EHBP1: variants seen among roughly 807,000 people sequenced by gnomAD.
The protein encoded by EHBP1 is EH domain binding protein 1.
Under a neutral mutation model 144.0 loss-of-function variants are expected in EHBP1, and 55 were observed. The observed-to-expected ratio is 0.38, with a 90% CI of 0.31 to 0.48. The LOEUF is 0.48. EHBP1 is among the 20% of genes least tolerant of loss of function. The probability of loss-of-function intolerance (pLI) is 0.98; values close to 1 mark genes in which losing one functional copy is unlikely to be tolerated. For missense variants in EHBP1, 1,200 were observed against 1,364.2 expected (o/e 0.88, Z 1.90); for synonymous variants, 469 against 472.7 (o/e 0.99, Z 0.10).
At position 62,806,498 on chromosome 2, in the gene EHBP1, G is replaced by A. The variant is rs150289944; in HGVS notation, c.313-19589G>A. 2.9e-3 allele frequency among the ~76,000 whole-genome samples: 436 copies of A among 151,930 alleles called. 1 individual carries two copies. Among genetic ancestry groups the A allele is most frequent in the African/African-American group, 9.9e-3 (409 of 41,426 alleles). On this transcript the variant is annotated intron_variant, in intron 5 of 22. Transcript: ENST00000431489. Reference sequence around the variant, plus strand: ...AAATCCTCCCACCTCAGCCTCCTTCGTAGCTGGGACCATAGGCATGCACGA... The same window carrying A: ...AAATCCTCCCACCTCAGCCTCCTTCATAGCTGGGACCATAGGCATGCACGA...
At chr2:62,865,280 T>C (rs1054065148) in intron 9 of EHBP1, among the ~76,000 whole-genome samples, 1 of 152,212 alleles carries the variant, frequency 6.6e-6, no homozygotes, top group Non-Finnish European at 1.5e-5. Flanking sequence ...GGTTTTTTTT[T>C]CCATCAAACT....
chr2:62,955,133 G>C (rs2057617463), intron 13 of EHBP1, among the ~76,000 whole-genome samples: 1 of 151,962 alleles, frequency 6.6e-6, no homozygotes, highest in African/African-American at 2.4e-5. Flanking sequence ...TGGAAGACAT[G>C]TTGTTATCAA....
chr2:62,843,428 A>G (rs1223760257), intron 7 of EHBP1, among the ~76,000 whole-genome samples: 2 of 149,508 alleles, frequency 1.3e-5, no homozygotes, highest in Non-Finnish European at 3.0e-5. Flanking sequence ...AAAGGAATGA[A>G]TGTAAATTGT....
At chr2:62,841,656 T>G (rs899420966) in intron 7 of EHBP1, among the ~76,000 whole-genome samples, 5 of 152,188 alleles carry the variant, frequency 3.3e-5, no homozygotes, top group African/African-American at 9.7e-5. Flanking sequence ...TATACTGACA[T>G]TTGCATTTTA....
chr2:62,862,926 C>T (rs191523443), intron 8 of EHBP1, among the ~76,000 whole-genome samples: 1 of 151,694 alleles, frequency 6.6e-6, no homozygotes, highest in East Asian at 2.0e-4. Flanking sequence ...AAAAAAAAAG[C>T]CTCGTGCTAA....
intron 1 of EHBP1, among the ~76,000 whole-genome samples, chr2:62,688,965 G>A (rs1293086729): frequency 6.6e-6 from 1 of 152,170 alleles, no homozygotes; most frequent in Non-Finnish European, 1.5e-5. Context: ...TATGCATACT[G>A]AGAAGGTCAT....
chr2:62,722,371 C>T (rs1234086238), intron 2 of EHBP1, among the ~76,000 whole-genome samples: 1 of 151,846 alleles, frequency 6.6e-6, no homozygotes, highest in Middle Eastern at 3.2e-3. Flanking sequence ...GATCCACCTG[C>T]CTTGGCCTCC....
intron 5 of EHBP1, among the ~76,000 whole-genome samples, chr2:62,812,865 A>C (rs1192963891): frequency 6.6e-6 from 1 of 152,240 alleles, no homozygotes; most frequent in Admixed American, 6.5e-5. Context: ...AAAAGTTGGA[A>C]GATTCATAGC....
chr2:63,026,878 C>T (rs562754276), intron 19 of EHBP1, among the ~76,000 whole-genome samples: 17 of 152,328 alleles, frequency 1.1e-4, no homozygotes, highest in African/African-American at 4.1e-4. Flanking sequence ...CATGGGAAGA[C>T]TAAATGAAAT....
chr2:62,793,149 T>C (rs907111693), intron 5 of EHBP1, among the ~76,000 whole-genome samples: 2 of 152,134 alleles, frequency 1.3e-5, no homozygotes, highest in Admixed American at 1.3e-4. Context: ...CATAAATTCA[T>C]TAATGTTATT....
chr2:62,738,116 G>A (rs2038337009), intron 2 of EHBP1, among the ~76,000 whole-genome samples: 1 of 151,932 alleles, frequency 6.6e-6, no homozygotes, highest in Admixed American at 6.6e-5. Flanking sequence ...GTATTTTATT[G>A]TTCAGCAACA....
At chr2:62,808,613 TCTGGTTCTGATG>T (rs2044698835) in intron 5 of EHBP1, among the ~76,000 whole-genome samples, 1 of 152,164 alleles carries the variant, frequency 6.6e-6, no homozygotes, top group Non-Finnish European at 1.5e-5. Flanking sequence ...TATATCTGAG[TCTGGTTCTGATG>T]CTTGCTCTGT....
chr2:63,003,728 T>A (rs1387141301), intron 19 of EHBP1, among the ~76,000 whole-genome samples: 1 of 152,060 alleles, frequency 6.6e-6, no homozygotes. Context: ...ATTGAACCAA[T>A]AAACTCAGCG....
upstream of EHBP1, among the ~76,000 whole-genome samples, chr2:62,703,170 A>C (rs1444691387): frequency 6.6e-6 from 1 of 152,016 alleles, no homozygotes; most frequent in Non-Finnish European, 1.5e-5. Context: ...AAAAAGTATG[A>C]AAAATTAGCC....
At chr2:62,917,836 AG>A (rs1219717762) in intron 10 of EHBP1, among the ~76,000 whole-genome samples, 1 of 152,104 alleles carries the variant, frequency 6.6e-6, no homozygotes, top group Non-Finnish European at 1.5e-5. Context: ...AATGTCTCCC[AG>A]CACTTTGATT....
chr2:62,841,469 A>G (rs1281616774), intron 7 of EHBP1, among the ~76,000 whole-genome samples: 3 of 152,076 alleles, frequency 2.0e-5, no homozygotes, highest in Non-Finnish European at 4.4e-5. Flanking sequence ...GTGCACATGT[A>G]CCCTAAAACT....
rs2061925440 is a variant in EHBP1 at position 63,045,619 on chromosome 2, T to C, written c.*119T>C. 1.3e-6 allele frequency: 1 copy of C among 778,918 alleles called. No individual in the cohort carries two copies. The highest frequency in any genetic ancestry group is 2.1e-6 in the Non-Finnish European group (1 of 477,364). 48.3% of individuals were successfully genotyped at this position (778,918 alleles called of 1,614,324 possible). On this transcript the variant is annotated 3_prime_UTR_variant, in exon 23 of 23. Transcript: ENST00000431489. This position sits in a 1 kb window ranked among gnomAD's most constrained non-coding sequence, Gnocchi z 5.7. The stretch of plus-strand genomic sequence containing the variant: ...ATTTTGTTTGGCTGGATTGTACTAC[T>C]TTACCTCTACTTTACCACCACCACC...
intron 2 of EHBP1, among the ~76,000 whole-genome samples, chr2:62,745,336 G>A (rs1391467015): frequency 6.6e-6 from 1 of 151,990 alleles, no homozygotes; most frequent in Non-Finnish European, 1.5e-5. Flanking sequence ...GGTGTGTCTA[G>A]GTTGTTATTG....
intron 10 of EHBP1, among the ~76,000 whole-genome samples, chr2:62,935,138 G>T (rs1452933773): frequency 6.6e-6 from 1 of 151,762 alleles, no homozygotes; most frequent in East Asian, 1.9e-4. Context: ...GACCATCCTG[G>T]CCAACATGGT....
Sources: allele counts gnomAD v4.1 joint callset (sites outside exome capture counted in the v4.1 genomes callset), GRCh38; gene constraint gnomAD v4.1.1; non-coding constraint Gnocchi (gnomAD v3.1); transcripts MANE v1.5; gene names NCBI Gene and HGNC (gene_info 2026-07-23, HGNC 2026-07-21).